The following CHSY3 variants were observed in gnomAD, a reference collection of about 807,000 sequenced individuals.
The protein encoded by CHSY3 is N-acetylgalactosaminyl-proteoglycan 3-beta-glucuronosyltransferase 3.
CHSY3 carries 35 observed loss-of-function variants against 67.2 expected under a neutral mutation model. The observed-to-expected ratio is 0.52, with a 90% confidence interval of 0.40 to 0.69. CHSY3 has a LOEUF of 0.69. CHSY3 is among the 30% of genes least tolerant of loss of function. The pLI is 0.00. For missense variants in CHSY3, 1,069 were observed against 1,138.5 expected (o/e 0.94, Z 0.88); for synonymous variants, 474 against 434.7 (o/e 1.09, Z -1.12).
intron 2 of CHSY3, among the ~76,000 whole-genome samples, chr5:130,139,563 C>T (rs956358107): frequency 2.6e-5 from 4 of 152,142 alleles, no homozygotes; most frequent in Non-Finnish European, 5.9e-5. Flanking sequence ...AGTTAAAGTT[C>T]TTTTCTTCTG....
chr5:130,120,486 G>GA (rs34727574), intron 2 of CHSY3, among the ~76,000 whole-genome samples: 225 of 95,822 alleles, frequency 2.3e-3, no homozygotes, highest in Middle Eastern at 7.0e-3. Context: ...ATTTCTGAAA[G>GA]AAAAAAAAAA....
chr5:130,178,522 G>A (rs1770149239), intron 2 of CHSY3, among the ~76,000 whole-genome samples: 1 of 151,822 alleles, frequency 6.6e-6, no homozygotes, highest in Admixed American at 6.6e-5. Flanking sequence ...AAAGTGCTGG[G>A]ATTACAGGCG....
chr5:129,983,363 G>A (rs979320173), intron 2 of CHSY3, among the ~76,000 whole-genome samples: 1 of 151,876 alleles, frequency 6.6e-6, no homozygotes, highest in African/African-American at 2.4e-5. Context: ...TTTTCATGGT[G>A]TTCTTTGTCC....
chr5:130,075,873 A>C (rs1766233291), intron 2 of CHSY3, among the ~76,000 whole-genome samples: 1 of 152,148 alleles, frequency 6.6e-6, no homozygotes, highest in Non-Finnish European at 1.5e-5. Context: ...GATGTACCAG[A>C]ATTTATCATG....
Position 130,090,604 on chromosome 5 carries a change from C to T in CHSY3, c.1087-93625C>T, listed in dbSNP as rs186418592. 1.7e-4 allele frequency among the ~76,000 whole-genome samples: 26 copies of T among 152,330 alleles called. No homozygotes were observed. The East Asian group carries it at 4.3e-3, about 25-fold the overall frequency. On this transcript the variant is annotated intron_variant, in intron 2 of 2. Transcript: ENST00000305031. ...TTAAACATTTTTACCTGTGAGCACA[C>T]ACCAATCCCTGCATTCTCCAAATTC...
At chr5:129,978,632 C>T (rs1050051819) in intron 2 of CHSY3, among the ~76,000 whole-genome samples, 9 of 151,942 alleles carry the variant, frequency 5.9e-5, no homozygotes, top group Admixed American at 5.9e-4. Flanking sequence ...ATGTACAAAT[C>T]GTAATGAAGA....
intron 2 of CHSY3, among the ~76,000 whole-genome samples, chr5:130,127,941 G>A (rs1364950121): frequency 6.6e-6 from 1 of 152,122 alleles, no homozygotes; most frequent in East Asian, 1.9e-4. Context: ...AAGGAAGTAT[G>A]TACCTAAATT....
chr5:130,079,708 G>A (rs1356722120), intron 2 of CHSY3, among the ~76,000 whole-genome samples: 2 of 152,038 alleles, frequency 1.3e-5, no homozygotes, highest in African/African-American at 4.8e-5. Flanking sequence ...ATCTGCAACA[G>A]TAGCATAATA....
chr5:130,037,127 G>C (rs1764883110), intron 2 of CHSY3, among the ~76,000 whole-genome samples: 1 of 152,128 alleles, frequency 6.6e-6, no homozygotes, highest in Non-Finnish European at 1.5e-5. Flanking sequence ...CTTTTACTCA[G>C]TGGGATAGCA....
intron 2 of CHSY3, among the ~76,000 whole-genome samples, chr5:130,051,241 C>T (rs73785864): frequency 5.0e-4 from 76 of 151,984 alleles, no homozygotes; most frequent in African/African-American, 1.8e-3. Context: ...TTCTATATTG[C>T]TTGGATTTGT....
intron 2 of CHSY3, among the ~76,000 whole-genome samples, chr5:129,931,627 A>C (rs975786850): frequency 1.3e-5 from 2 of 152,186 alleles, no homozygotes; most frequent in South Asian, 4.1e-4. Context: ...ATGTATAGAT[A>C]TATAGGCCGT....
intron 2 of CHSY3, among the ~76,000 whole-genome samples, chr5:129,997,007 C>T (rs1316146093): frequency 6.6e-6 from 1 of 151,886 alleles, no homozygotes; most frequent in Non-Finnish European, 1.5e-5. Context: ...TTGTTCATAA[C>T]TATGCCTTCT....
chr5:129,949,294 C>CA (rs1338291957), intron 2 of CHSY3, among the ~76,000 whole-genome samples: 2 of 151,826 alleles, frequency 1.3e-5, no homozygotes, highest in Non-Finnish European at 2.9e-5. Flanking sequence ...TGCAAAAATA[C>CA]AAAAAATCAT....
intron 2 of CHSY3, among the ~76,000 whole-genome samples, chr5:129,936,570 T>A (rs542753330): frequency 6.6e-6 from 1 of 152,256 alleles, no homozygotes; most frequent in South Asian, 2.1e-4. Context: ...TGTTTCTCCA[T>A]GTCACCAGCT....
chr5:130,002,640 A>G (rs1763762653), intron 2 of CHSY3, among the ~76,000 whole-genome samples: 1 of 152,202 alleles, frequency 6.6e-6, no homozygotes, highest in Non-Finnish European at 1.5e-5. Context: ...AAAGAGACAT[A>G]GAAGCTAGAG....
intron 2 of CHSY3, among the ~76,000 whole-genome samples, chr5:129,970,442 ATAG>A (rs1580596673): frequency 6.6e-6 from 1 of 151,462 alleles, no homozygotes; most frequent in East Asian, 1.9e-4. Flanking sequence ...AGATAGATAG[ATAG>A]ATAGACAGAC....
At chr5:129,972,481 A>G (rs1243669509) in intron 2 of CHSY3, among the ~76,000 whole-genome samples, 11 of 152,018 alleles carry the variant, frequency 7.2e-5, no homozygotes, top group Admixed American at 7.2e-4. Context: ...TTATTTTTGT[A>G]CAATCTAAAA....
intron 2 of CHSY3, among the ~76,000 whole-genome samples, chr5:129,994,249 A>T (rs1763460788): frequency 6.6e-6 from 1 of 152,030 alleles, no homozygotes; most frequent in Non-Finnish European, 1.5e-5. Flanking sequence ...CTGAATTTGA[A>T]TGTTGACCTG....
At chr5:129,958,779 G>A (rs944414574) in intron 2 of CHSY3, among the ~76,000 whole-genome samples, 11 of 152,160 alleles carry the variant, frequency 7.2e-5, no homozygotes, top group Admixed American at 4.6e-4. Flanking sequence ...TGATCCTCTT[G>A]TTTCAGCTAC....
Sources: gnomAD v4.1 joint callset for allele counts (sites outside exome capture counted in the v4.1 genomes callset) on GRCh38, gnomAD v4.1.1 for gene constraint, MANE v1.5 for transcripts, NCBI Gene and HGNC (gene_info 2026-07-23, HGNC 2026-07-21) for gene names.